The following IL12RB1 variants were observed in gnomAD, a reference collection of about 807,000 sequenced individuals.
IL12RB1 encodes the protein interleukin-12 receptor subunit beta-1.
A neutral mutation model predicts 94.4 loss-of-function variants in IL12RB1; 64 were observed. The observed-to-expected ratio is 0.68, with a 90% confidence interval of 0.55 to 0.83. The LOEUF is 0.83. Ranked by LOEUF, IL12RB1 falls within the 40% of genes least tolerant of loss-of-function variation. The probability of loss-of-function intolerance (pLI) is 0.00; values close to 1 mark genes in which losing one functional copy is unlikely to be tolerated. For synonymous variants in IL12RB1, 362 were observed against 355.5 expected (o/e 1.02, Z -0.21); for missense variants, 814 against 855.6 (o/e 0.95, Z 0.61).
intron 11 of IL12RB1, 70 bp from the exon 12 acceptor site, chr19:18,066,767 C>G: frequency 7.8e-7 from 1 of 1,288,006 alleles, no homozygotes; most frequent in Non-Finnish European, 1.1e-6. Flanking sequence ...TGGCTCGCAC[C>G]TGTAATCCCA....
At chr19:18,094,151 T>A (rs1479285232) in intron 1 of IL12RB1, among the ~76,000 whole-genome samples, 1 of 152,214 alleles carries the variant, frequency 6.6e-6, no homozygotes, top group African/African-American at 2.4e-5. Context: ...TTGTTTGAGA[T>A]GGAGTCTCGC....
At chr19:18,095,827 T>A (rs904245825) in intron 1 of IL12RB1, among the ~76,000 whole-genome samples, 1 of 151,842 alleles carries the variant, frequency 6.6e-6, no homozygotes, top group Non-Finnish European at 1.5e-5. Context: ...CTTCCTAGGG[T>A]CCCCTCGAGC....
intron 1 of IL12RB1, among the ~76,000 whole-genome samples, chr19:18,098,308 G>C (rs1241936874): frequency 6.6e-6 from 1 of 152,120 alleles, no homozygotes; most frequent in East Asian, 1.9e-4. Context: ...CCATTTGTCA[G>C]AATAAGGAAA....
chr19:18,076,537 G>A (rs2035491871), intron 5 of IL12RB1, among the ~76,000 whole-genome samples: 1 of 152,162 alleles, frequency 6.6e-6, no homozygotes, highest in South Asian at 2.1e-4. Flanking sequence ...CTGAGTAGTT[G>A]GGACTACAGG....
intron 4 of IL12RB1, 133 bp downstream of exon 4, chr19:18,080,699 A>T: frequency 2.6e-6 from 2 of 754,868 alleles, no homozygotes; most frequent in South Asian, 2.8e-5. Context: ...TGTTTGCGTG[A>T]CACTACGTGA....
intron 11 of IL12RB1, among the ~76,000 whole-genome samples, chr19:18,068,017 C>CTTTTTTTTT (rs1216685125): frequency 1.7e-5 from 1 of 59,826 alleles, no homozygotes; most frequent in African/African-American, 7.0e-5. Flanking sequence ...CAGCATTGTC[C>CTTTTTTTTT]TTTTTTTTTT....
rs1445096077 is a variant in IL12RB1 at position 18,062,286 on chromosome 19, G to C, written c.1619-9C>G. On this transcript the variant is annotated splice_polypyrimidine_tract_variant and intron_variant, in intron 13 of 16. Coordinates refer to ENST00000593993, the MANE Select transcript of IL12RB1 (RefSeq NM_005535.3). ...ATCAGAAACCTGCACTTCTGAGGTG[G>C]GAGAGCGTGGGTTGGCAGAGGGCTA... The C allele has an allele frequency of 6.3e-7, 1 of 1,585,162 alleles. No homozygotes were observed. Among genetic ancestry groups the C allele is most frequent in the Non-Finnish European group, 8.7e-7 (1 of 1,155,800 alleles).
rs760940247 is a variant in IL12RB1 at position 18,077,611 on chromosome 19, C to A, written c.454G>T (p.Ala152Ser). The A allele has an allele frequency of 6.9e-6, 11 of 1,595,216 alleles. No homozygotes were observed. The highest frequency in any genetic ancestry group is 9.5e-6 in the Non-Finnish European group (11 of 1,162,890). The change falls in exon 5 of 17, where the codon GCC (alanine) becomes TCC (serine). Residue 152 changes from alanine to serine, a missense_variant. Physicochemically the swap from Ala to Ser is moderately conservative, Grantham distance 99. Transcript: ENST00000593993. The part of the protein sequence containing the change: ...PLGDIKVSKL[A>S]GQLRMEWETP... Reference sequence around the variant, plus strand: ...TCCCACTCCATACGCAGCTGCCCGGCCAACTTGGACACCTTGATGTCTCCC... The same window carrying A: ...TCCCACTCCATACGCAGCTGCCCGGACAACTTGGACACCTTGATGTCTCCC...
Position 18,072,210 on chromosome 19 carries a change from T to C in IL12RB1, c.923A>G (p.Tyr308Cys), listed in dbSNP as rs192185254. Reference protein sequence around the residue: ...TRTLHLGKMPYLSGAAYNVAV... With the variant: ...TRTLHLGKMPCLSGAAYNVAV... ...CACGTTGTAGGCAGCACCCGAGAGA[T>C]AGGGCATCTTCCCCAGGTGCAGGGT... Residue 308 changes from tyrosine (Y) to cysteine (C), a missense_variant, in exon 9 of 17, where the codon TAT becomes TGT. Tyr to Cys is a radical substitution (Grantham distance 194). Coordinates refer to ENST00000593993, the MANE Select transcript of IL12RB1 (RefSeq NM_005535.3). 1.0e-4 allele frequency: 167 copies of C among 1,614,034 alleles called. 1 individual carries two copies. The East Asian group carries it at 3.5e-3, about 34-fold the overall frequency.
At chr19:18,062,043 T>A in intron 14 of IL12RB1, 138 bp downstream of exon 14, 2 of 632,384 alleles carry the variant, frequency 3.2e-6, no homozygotes, top group South Asian at 3.4e-5. Context: ...TAAAGCTGTT[T>A]TCTTCTACCT....
At chr19:18,063,077 T>TC (rs2034286361) in intron 13 of IL12RB1, among the ~76,000 whole-genome samples, 1 of 83,562 alleles carries the variant, frequency 1.2e-5, no homozygotes, top group African/African-American at 5.3e-5. Flanking sequence ...CTTCTTCTTC[T>TC]ATTTTTTTTT....
At chr19:18,072,767 G>A (rs1327864419) in intron 8 of IL12RB1, among the ~76,000 whole-genome samples, 3 of 151,904 alleles carry the variant, frequency 2.0e-5, no homozygotes, top group East Asian at 3.9e-4. Flanking sequence ...CTAACACGGT[G>A]AAACCCCGTC....
chr19:18,067,189 T>C (rs891353273), intron 11 of IL12RB1, among the ~76,000 whole-genome samples: 1 of 151,144 alleles, frequency 6.6e-6, no homozygotes, highest in African/African-American at 2.4e-5. Context: ...CCAGGCATGA[T>C]GGTGGGCGCC....
chr19:18,086,943 AG>A, upstream of IL12RB1: 1 of 1,546,166 alleles, frequency 6.5e-7, no homozygotes, highest in Non-Finnish European at 8.7e-7. Context: ...CTGAAAAAAA[AG>A]AAAAAAGAAA....
At chr19:18,078,860 G>C (rs2035672744) in intron 4 of IL12RB1, among the ~76,000 whole-genome samples, 1 of 151,962 alleles carries the variant, frequency 6.6e-6, no homozygotes, top group African/African-American at 2.4e-5. Context: ...AGGTATGATG[G>C]TTTGATATAC....
intron 16 of IL12RB1, 21 bp downstream of exon 16, chr19:18,059,873 T>G: frequency 7.0e-7 from 1 of 1,429,186 alleles, no homozygotes; most frequent in Non-Finnish European, 9.7e-7. Context: ...CCTGACCGTC[T>G]GGCCCACTGG....
rs367796048 is a variant in IL12RB1, at chr19:18,082,229, G to C, written c.160C>G (p.Arg54Gly). Residue 54 changes from arginine to glycine, a missense_variant, in exon 3 of 17, where the codon CGG becomes GGG. Coordinates refer to ENST00000593993, the MANE Select transcript of IL12RB1 (RefSeq NM_005535.3). Reference sequence around the variant, plus strand: ...CACTCGTAACGATCACTGGATATCCGATAGCATCTCAGGTCCCTAGGGCCC... The same window carrying C: ...CACTCGTAACGATCACTGGATATCCCATAGCATCTCAGGTCCCTAGGGCCC... The part of the protein sequence containing the change: ...ASGPRDLRCY[R>G]ISSDRYECSW... 1 of 1,613,516 alleles carries C rather than the reference G, an allele frequency of 6.2e-7. No homozygotes were observed. The highest frequency in any genetic ancestry group is 1.7e-5 in the Admixed American group (1 of 59,960).
intron 14 of IL12RB1, among the ~76,000 whole-genome samples, chr19:18,061,640 C>CTCCTG (rs1325119376): frequency 1.3e-5 from 2 of 152,032 alleles, no homozygotes; most frequent in Non-Finnish European, 2.9e-5. Flanking sequence ...TGCATAGGAT[C>CTCCTG]ACCTGAGGTC....
In IL12RB1 at chr19:18,082,164, G is replaced by A. The variant is rs757583991; in HGVS notation, c.225C>T (p.His75=). 3.1e-6 allele frequency: 5 copies of A among 1,609,336 alleles called. No homozygotes were observed. The highest frequency in any genetic ancestry group is 1.7e-4 in the Middle Eastern group (1 of 6,050). ...QYEGPTAGVS[H]FLRCCLSSGR... ...GGGGTCCTCACCAACACCGCAGGAA[G>A]TGGCTGACCCCAGCTGTGGGACCCT... Residue 75 remains histidine, a synonymous_variant, in exon 3 of 17, where the codon CAC becomes CAT. Coordinates refer to ENST00000593993, the MANE Select transcript of IL12RB1 (RefSeq NM_005535.3).
Sources: gnomAD v4.1 joint callset for allele counts (sites outside exome capture counted in the v4.1 genomes callset) on GRCh38, gnomAD v4.1.1 for gene constraint, MANE v1.5 for transcripts, NCBI Gene and HGNC (gene_info 2026-07-23, HGNC 2026-07-21) for gene names.